The following VEPH1 variants were observed in gnomAD, a reference collection of about 807,000 sequenced individuals.
The protein encoded by VEPH1 is ventricular zone expressed PH domain containing 1, also known as ventricular zone-expressed PH domain-containing protein homolog 1.
Under a neutral mutation model 85.2 loss-of-function variants are expected in VEPH1, and 80 were observed. The ratio of observed to expected loss-of-function variants is 0.94; its 90% CI spans 0.78 to 1.13. The LOEUF (loss-of-function observed/expected upper bound fraction) is 1.13. VEPH1 is among the 50% of genes most tolerant of loss of function. The pLI, the probability that VEPH1 is intolerant of heterozygous loss-of-function variation, is 0.00. For missense variants in VEPH1, 955 were observed against 980.5 expected, an observed-to-expected ratio of 0.97 and a Z score of 0.35; for synonymous variants, 297 against 348.0, an observed-to-expected ratio of 0.85 and a Z score of 1.63.
intron 3 of VEPH1, among the ~76,000 whole-genome samples, chr3:157,468,093 A>G (rs527543708): frequency 6.6e-6 from 1 of 152,306 alleles, no homozygotes; most frequent in East Asian, 1.9e-4. Flanking sequence ...ACAAATCTGT[A>G]CTTTTGCACA....
chr3:157,342,946 G>C (rs1371081657), intron 9 of VEPH1, among the ~76,000 whole-genome samples: 1 of 152,144 alleles, frequency 6.6e-6, no homozygotes, highest in Non-Finnish European at 1.5e-5. Flanking sequence ...ACAACGAAAT[G>C]AAGGCAGAAA....
intron 4 of VEPH1, among the ~76,000 whole-genome samples, chr3:157,440,387 C>T (rs1734024748): frequency 6.6e-6 from 1 of 152,198 alleles, no homozygotes; most frequent in South Asian, 2.1e-4. Flanking sequence ...GAGCCTACCC[C>T]TGAGCCACTT....
intron 2 of VEPH1, among the ~76,000 whole-genome samples, chr3:157,491,747 A>AT (rs535071961): frequency 7.0e-4 from 107 of 151,996 alleles, no homozygotes; most frequent in Non-Finnish European, 1.1e-3. Context: ...AAAGACAATA[A>AT]TTTTTTTTGC....
At chr3:157,352,248 G>A (rs1483242799) in intron 9 of VEPH1, among the ~76,000 whole-genome samples, 1 of 151,934 alleles carries the variant, frequency 6.6e-6, no homozygotes, top group African/African-American at 2.4e-5. Context: ...ATATTTCCAG[G>A]GATAAGTTTC....
rs541768105 is a variant in VEPH1, at chr3:157,477,204, T to A, written c.139-6675A>T. ...GCTCTGAGGGCATTTTTTTTTTTTT[T>A]AATCTGTTCTAGCTTCTAGAGGCCA... On this transcript the variant is annotated intron_variant, in intron 2 of 13. Transcript: ENST00000362010. Among the ~76,000 whole-genome samples, 6 of 151,694 alleles carry A rather than the reference T, an allele frequency of 4.0e-5. No individual in the cohort carries two copies. The South Asian group carries it at 6.3e-4, about 16-fold the overall frequency.
chr3:157,475,658 G>T (rs1368919773), intron 2 of VEPH1, among the ~76,000 whole-genome samples: 1 of 152,174 alleles, frequency 6.6e-6, no homozygotes, highest in African/African-American at 2.4e-5. Flanking sequence ...CCACATGAGG[G>T]GTTCCCTCAT....
In VEPH1 at chr3:157,373,273, A is replaced by T. The variant is rs111741844; in HGVS notation, c.1127+7883T>A. Among the ~76,000 whole-genome samples the T allele has an allele frequency of 6.6e-5, 10 of 152,312 alleles. 1 individual carries two copies. The highest frequency in any genetic ancestry group is 2.4e-4 in the African/African-American group (10 of 41,578). ...TACATCTGAATCTACCCCAGGAATAAGTAATACATATTAGGGCACTGGTGA... is the reference window on the plus strand; with the variant it reads ...TACATCTGAATCTACCCCAGGAATATGTAATACATATTAGGGCACTGGTGA... On this transcript the variant is annotated intron_variant, in intron 7 of 13. Coordinates refer to ENST00000362010, the MANE Select transcript of VEPH1 (RefSeq NM_001167912.2).
At chr3:157,360,484 GA>G (rs967055261) in intron 9 of VEPH1, among the ~76,000 whole-genome samples, 3 of 151,056 alleles carry the variant, frequency 2.0e-5, no homozygotes, top group African/African-American at 7.3e-5. Flanking sequence ...ACATTTTTGG[GA>G]AAAAAAAGCA....
chr3:157,280,515 G>C (rs1366567039), intron 12 of VEPH1, among the ~76,000 whole-genome samples: 1 of 152,132 alleles, frequency 6.6e-6, no homozygotes, highest in Non-Finnish European at 1.5e-5. Context: ...TCCCTGAGGG[G>C]TGTTAGGTTA....
intron 3 of VEPH1, among the ~76,000 whole-genome samples, chr3:157,467,110 A>AGTGTGT (rs1356618639): frequency 5.3e-5 from 6 of 114,024 alleles, no homozygotes; most frequent in South Asian, 2.9e-4. Context: ...CAAAAAGAAA[A>AGTGTGT]GTGTGTGTGT....
chr3:157,272,298 C>CCT (rs1714694432), intron 12 of VEPH1, among the ~76,000 whole-genome samples: 4 of 143,546 alleles, frequency 2.8e-5, no homozygotes, highest in South Asian at 2.3e-4. Context: ...CCTTCCTTCC[C>CCT]TTCCTCTCTC....
At chr3:157,468,899 G>A (rs534717968) in intron 3 of VEPH1, among the ~76,000 whole-genome samples, 6 of 152,124 alleles carry the variant, frequency 3.9e-5, no homozygotes, top group Non-Finnish European at 7.4e-5. Flanking sequence ...ACCCTGGGAC[G>A]AGAACATTTA....
intron 4 of VEPH1, among the ~76,000 whole-genome samples, chr3:157,447,459 C>A (rs1056682890): frequency 3.9e-5 from 6 of 152,136 alleles, no homozygotes; most frequent in African/African-American, 9.7e-5. Flanking sequence ...TTAATAAATT[C>A]TTTCCCAACA....
chr3:157,369,600 G>C (rs1727252677), intron 7 of VEPH1, among the ~76,000 whole-genome samples: 1 of 152,090 alleles, frequency 6.6e-6, no homozygotes, highest in African/African-American at 2.4e-5. Context: ...AATCCACCTG[G>C]GCATGCCACA....
chr3:157,419,602 C>T (rs1732181066), intron 5 of VEPH1, among the ~76,000 whole-genome samples: 1 of 152,108 alleles, frequency 6.6e-6, no homozygotes, highest in Admixed American at 6.6e-5. Context: ...TAGAGAAATT[C>T]AAATCAAAAC....
At chr3:157,503,031 G>A (rs2109803763) in intron 1 of VEPH1, among the ~76,000 whole-genome samples, 1 of 152,202 alleles carries the variant, frequency 6.6e-6, no homozygotes, top group East Asian at 1.9e-4. Context: ...TGCTCCTGAG[G>A]CCTAGAGACA....
At chr3:157,300,344 A>T (rs575681233) in intron 11 of VEPH1, among the ~76,000 whole-genome samples, 375 of 152,278 alleles carry the variant, frequency 2.5e-3, no homozygotes, top group African/African-American at 8.6e-3. Flanking sequence ...TCCTTTTTTT[A>T]AAAAATTTCC....
intron 2 of VEPH1, chr3:157,489,019 T>C: frequency 2.4e-6 from 1 of 408,652 alleles, no homozygotes; most frequent in South Asian, 1.8e-5. Context: ...GTTGGTCCTA[T>C]CTTCAAAATA....
intron 4 of VEPH1, among the ~76,000 whole-genome samples, chr3:157,450,547 T>A (rs1734889841): frequency 1.3e-5 from 2 of 151,290 alleles, no homozygotes; most frequent in Admixed American, 1.3e-4. Flanking sequence ...ATGCTTCTAC[T>A]GTTCCACTAT....
Sources: allele counts gnomAD v4.1 joint callset (sites outside exome capture counted in the v4.1 genomes callset), GRCh38; gene constraint gnomAD v4.1.1; transcripts MANE v1.5; gene names NCBI Gene and HGNC (gene_info 2026-07-23, HGNC 2026-07-21).